PAFAH1B2: variants seen among roughly 807,000 people sequenced by gnomAD.
The protein encoded by PAFAH1B2 is platelet-activating factor acetylhydrolase IB subunit alpha2.
Under a neutral mutation model 28.0 loss-of-function variants are expected in PAFAH1B2, and 8 were observed. The observed-to-expected ratio is 0.29, with a 90% CI of 0.17 to 0.52. PAFAH1B2 has a LOEUF of 0.52. PAFAH1B2 is among the 20% of genes least tolerant of loss of function. PAFAH1B2 has a pLI of 0.97. For synonymous variants in PAFAH1B2, 104 were observed against 103.2 expected (o/e 1.01, Z -0.05); for missense variants, 190 against 282.6 (o/e 0.67, Z 2.35).
chr11:117,175,985 A>G (rs2029957822), downstream of PAFAH1B2: 1 of 1,463,864 alleles, frequency 6.8e-7, no homozygotes, highest in Non-Finnish European at 9.3e-7. Context: ...CTGATTCTCC[A>G]AACTTGGCAG....
chr11:117,145,076 C>T lies in PAFAH1B2; in HGVS notation c.-8+658C>T, dbSNP rs956075255. Among the ~76,000 whole-genome samples, 22 of 152,324 alleles carry T rather than the reference C, an allele frequency of 1.4e-4. 1 individual carries two copies. The East Asian group carries it at 3.9e-3, about 27-fold the overall frequency. On this transcript the variant is annotated intron_variant, in intron 1 of 5. Transcript: ENST00000527958. Reference sequence around the variant, plus strand: ...TCGGAAGGGATTATTTCTTGGAAGGCTTTCCAGCCCCCATCTCATCTTAGA... The same window carrying T: ...TCGGAAGGGATTATTTCTTGGAAGGTTTTCCAGCCCCCATCTCATCTTAGA...
rs1207881015 is a variant in PAFAH1B2 at position 117,168,389 on chromosome 11, C to T, written c.*690C>T. On this transcript the variant is annotated 3_prime_UTR_variant, in exon 6 of 6. Transcript: ENST00000527958. The stretch of plus-strand genomic sequence containing the variant: ...TCTATAATAGACCCGTGCATGCAGC[C>T]TTTCCTCCTTATTCCCCTTCATGCC... The T allele has an allele frequency of 2.8e-5, 29 of 1,053,076 alleles. No individual in the cohort carries two copies. Among genetic ancestry groups the T allele is most frequent in the Non-Finnish European group, 3.3e-5 (29 of 873,694 alleles). 65.2% of individuals were successfully genotyped at this position (1,053,076 alleles called of 1,614,324 possible).
Position 117,161,135 on chromosome 11 carries a change from CT to C in PAFAH1B2, c.172-3del, listed in dbSNP as rs760358599. On this transcript the variant is annotated splice_polypyrimidine_tract_variant and intron_variant, in intron 3 of 5. Transcript: ENST00000527958. Reference sequence around the variant, plus strand: ...TTTAGGTACACTAAATCAAGTTTTTCTTTTTTTAGATATGGCGAGAGCTTTT... The same window carrying C: ...TTTAGGTACACTAAATCAAGTTTTTCTTTTTTAGATATGGCGAGAGCTTTT... 25 of 1,562,206 alleles carry C rather than the reference CT, an allele frequency of 1.6e-5. No homozygotes were observed. Among genetic ancestry groups the C allele is most frequent in the Admixed American group, 6.2e-5 (3 of 48,658 alleles).
Position 117,169,694 on chromosome 11 carries a change from A to C in PAFAH1B2, c.*1995A>C. The C allele has an allele frequency of 9.5e-7, 1 of 1,057,174 alleles. No homozygotes were observed. Among genetic ancestry groups the C allele is most frequent in the Non-Finnish European group, 1.1e-6 (1 of 874,292 alleles). 65.5% of individuals were successfully genotyped at this position (1,057,174 alleles called of 1,614,324 possible). The stretch of plus-strand genomic sequence containing the variant: ...ACTAAACTTGTTTACGACATTAAAA[A>C]TTTCCTTTTTATTTTTAGTAGCCCA... On this transcript the variant is annotated 3_prime_UTR_variant, in exon 6 of 6. Transcript: ENST00000527958.
intron 3 of PAFAH1B2, 40 bp from the exon 4 acceptor site, chr11:117,161,105 C>T: frequency 7.8e-7 from 1 of 1,281,864 alleles, no homozygotes; most frequent in East Asian, 2.3e-5. Flanking sequence ...AAACTTTCCC[C>T]TAGTTTTAGG....
At chr11:117,155,998 AAC>A (rs1326462432) in intron 2 of PAFAH1B2, among the ~76,000 whole-genome samples, 1 of 152,116 alleles carries the variant, frequency 6.6e-6, no homozygotes, top group South Asian at 2.1e-4. Context: ...CAGCCTAGGA[AAC>A]ACACCAAGAC....
downstream of PAFAH1B2, among the ~76,000 whole-genome samples, chr11:117,174,659 G>A (rs1478471780): frequency 2.0e-5 from 3 of 151,942 alleles, no homozygotes; most frequent in Non-Finnish European, 4.4e-5. Flanking sequence ...TGTATTTTTA[G>A]TAGAGACAGG....
chr11:117,166,033 G>T (rs975902434), intron 5 of PAFAH1B2, among the ~76,000 whole-genome samples: 1 of 152,188 alleles, frequency 6.6e-6, no homozygotes, highest in South Asian at 2.1e-4. Context: ...TAGAAACGGG[G>T]TTTCACCATA....
intron 1 of PAFAH1B2, among the ~76,000 whole-genome samples, chr11:117,149,720 C>T (rs990021420): frequency 6.6e-6 from 1 of 151,876 alleles, no homozygotes; most frequent in Non-Finnish European, 1.5e-5. Flanking sequence ...GTGTGAGCCA[C>T]CGTGCCCGGC....
intron 4 of PAFAH1B2, among the ~76,000 whole-genome samples, chr11:117,162,638 A>G (rs1485878820): frequency 6.6e-6 from 1 of 150,912 alleles, no homozygotes; most frequent in East Asian, 2.0e-4. Flanking sequence ...GCATGGTGTC[A>G]CACACCTTAG....
downstream of PAFAH1B2, chr11:117,175,391 C>T (rs1230729055): frequency 9.3e-7 from 1 of 1,072,942 alleles, no homozygotes; most frequent in African/African-American, 1.6e-5. Flanking sequence ...CGGGGTAGGG[C>T]AGAGGGACTG....
Position 117,167,879 on chromosome 11 carries a change from A to G in PAFAH1B2, c.*180A>G. On this transcript the variant is annotated 3_prime_UTR_variant, in exon 6 of 6. Transcript: ENST00000527958. ...GTCCTGTACATAGAAGGTTTGTTTG[A>G]CAGAGGAGAAAAATTAGCCAAGGAA... 8.2e-7 allele frequency: 1 copy of G among 1,218,136 alleles called. No individual in the cohort carries two copies. The highest frequency in any genetic ancestry group is 1.0e-6 in the Non-Finnish European group (1 of 975,622). The allele number at this position is 1,218,136 out of a possible 1,614,324, so 75.5% of individuals were successfully genotyped here.
rs1286693362 is a variant in PAFAH1B2, at chr11:117,170,432, C to T, written c.*2733C>T. 3 of 1,059,126 alleles carry T rather than the reference C, an allele frequency of 2.8e-6. No individual in the cohort carries two copies. The highest frequency in any genetic ancestry group is 3.3e-5 in the African/African-American group (2 of 60,076). The allele number at this position is 1,059,126 out of a possible 1,614,324, so 65.6% of individuals were successfully genotyped here. On this transcript the variant is annotated 3_prime_UTR_variant, in exon 6 of 6. Coordinates refer to ENST00000527958, the MANE Select transcript of PAFAH1B2 (RefSeq NM_002572.4). The stretch of plus-strand genomic sequence containing the variant: ...ATGTGGCAGCTTGAAGATGTACTGC[C>T]ACGGGTGATCTAGGGCAGGCTGTCT...
chr11:117,163,245 CAGGAGTT>C (rs1319441238), intron 4 of PAFAH1B2, among the ~76,000 whole-genome samples: 5 of 152,060 alleles, frequency 3.3e-5, no homozygotes, highest in African/African-American at 1.2e-4. Context: ...GGATTGAGCC[CAGGAGTT>C]TAAGACCAGC....
At chr11:117,148,734 A>G (rs1356904544) in intron 1 of PAFAH1B2, among the ~76,000 whole-genome samples, 1 of 152,132 alleles carries the variant, frequency 6.6e-6, no homozygotes, top group Non-Finnish European at 1.5e-5. Context: ...TCCAGCCTGG[A>G]CAACATAGTG....
chr11:117,147,597 A>T (rs184244168), intron 1 of PAFAH1B2, among the ~76,000 whole-genome samples: 10 of 152,284 alleles, frequency 6.6e-5, no homozygotes, highest in Admixed American at 5.9e-4. Flanking sequence ...AGATTGTGTG[A>T]GTTTGTGGCT....
chr11:117,152,923 G>A (rs1012768804), intron 2 of PAFAH1B2, among the ~76,000 whole-genome samples: 2 of 152,158 alleles, frequency 1.3e-5, no homozygotes, highest in African/African-American at 2.4e-5. Context: ...TAAGTTAGCC[G>A]GTTGTGGTGG....
chr11:117,169,777 A>G lies in PAFAH1B2; in HGVS notation c.*2078A>G. ...GCTGAGGTATAGTTGTATAGCAAGA[A>G]GAATTAAGCCAGATTTTTGTGTGTG... On this transcript the variant is annotated 3_prime_UTR_variant, in exon 6 of 6. Coordinates refer to ENST00000527958, the MANE Select transcript of PAFAH1B2 (RefSeq NM_002572.4). The G allele has an allele frequency of 9.5e-6, 10 of 1,056,904 alleles. No homozygotes were observed. Among genetic ancestry groups the G allele is most frequent in the Non-Finnish European group, 1.0e-5 (9 of 874,058 alleles). The allele number at this position is 1,056,904 out of a possible 1,614,324, so 65.5% of individuals were successfully genotyped here.
In PAFAH1B2 at chr11:117,170,075, A is replaced by G. The variant is rs1956613585; in HGVS notation, c.*2376A>G. On this transcript the variant is annotated 3_prime_UTR_variant, in exon 6 of 6. Transcript: ENST00000527958. Reference sequence around the variant, plus strand: ...ATTCTGCCCCATTACTGATGTGCAGATATTGAGTTCACTTTCATTTTTTGC... The same window carrying G: ...ATTCTGCCCCATTACTGATGTGCAGGTATTGAGTTCACTTTCATTTTTTGC... 9.5e-7 allele frequency: 1 copy of G among 1,056,082 alleles called. No homozygotes were observed. Among genetic ancestry groups the G allele is most frequent in the African/African-American group, 1.7e-5 (1 of 60,560 alleles). The allele number at this position is 1,056,082 out of a possible 1,614,324, so 65.4% of individuals were successfully genotyped here.
Sources: allele counts gnomAD v4.1 joint callset (sites outside exome capture counted in the v4.1 genomes callset), GRCh38; gene constraint gnomAD v4.1.1; transcripts MANE v1.5; gene names NCBI Gene and HGNC (gene_info 2026-07-23, HGNC 2026-07-21).